FAM135A: variants seen among roughly 807,000 people sequenced by gnomAD.
The protein encoded by FAM135A is protein FAM135A.
A neutral mutation model predicts 146.8 loss-of-function variants in FAM135A; 79 were observed. The observed-to-expected ratio is 0.54, with a 90% CI of 0.45 to 0.65. FAM135A has a LOEUF of 0.65. Ranked by LOEUF, FAM135A falls within the 30% of genes least tolerant of loss-of-function variation. The pLI is 0.00. For synonymous variants in FAM135A, 562 were observed against 603.6 expected (o/e 0.93, Z 1.01); for missense variants, 1,623 against 1,758.2 (o/e 0.92, Z 1.38).
In FAM135A at chr6:70,523,972, A is replaced by C. The variant is rs774034636; in HGVS notation, c.1109A>C (p.Gln370Pro). The C allele has an allele frequency of 5.6e-6, 9 of 1,605,924 alleles. No individual in the cohort carries two copies. In the South Asian group the frequency reaches 9.0e-5, roughly 16 times the overall value. The stretch of plus-strand genomic sequence containing the variant: ...ACTGAAGAAATATTTTTCAGTGCTC[A>C]GAGTCATCTACAGATGTGCACCGCT... ...AAIAYQELHA[Q>P]SHLQMCTAIK... Residue 370 changes from glutamine (Q) to proline (P), a missense_variant, in exon 14 of 22, where the codon CAG (glutamine) becomes CCG (proline). Gln to Pro is a moderately conservative substitution (Grantham distance 76). Around this residue, in one of 7 missense-constraint regions of FAM135A, gnomAD observed 23 missense variants for 47.7 expected, o/e 0.48. Transcript: ENST00000418814.
intron 4 of FAM135A, among the ~76,000 whole-genome samples, chr6:70,443,771 T>C (rs1775097567): frequency 6.6e-6 from 1 of 152,206 alleles, no homozygotes; most frequent in Non-Finnish European, 1.5e-5. Flanking sequence ...TTCTATTGGT[T>C]GATTGGTCTT....
At chr6:70,468,279 T>C (rs1562474179) in intron 5 of FAM135A, among the ~76,000 whole-genome samples, 1 of 152,220 alleles carries the variant, frequency 6.6e-6, no homozygotes, top group African/African-American at 2.4e-5. Context: ...ATGTGTGCAA[T>C]GAACAGCTTT....
In FAM135A at chr6:70,526,228, T is replaced by C; in HGVS notation, c.3144T>C (p.Ser1048=). 6.2e-7 allele frequency: 1 copy of C among 1,613,578 alleles called. No homozygotes were observed. The highest frequency in any genetic ancestry group is 2.2e-5 in the East Asian group (1 of 44,864). Residue 1048 remains serine (S), a synonymous_variant, in exon 15 of 22, where the codon AGT becomes AGC. Coordinates refer to ENST00000418814, the MANE Select transcript of FAM135A (RefSeq NM_001162529.3). ...LVENYFGSQS[S]TDISDTCAVS... ...AAAATTATTTTGGTTCTCAAAGCAG[T>C]ACGGATATTTCTGACACATGTGCTG...
At position 70,525,199 on chromosome 6, in the gene FAM135A, T is replaced by A. The variant is rs1425345020; in HGVS notation, c.2115T>A (p.Ser705=). 6.9e-6 allele frequency: 11 copies of A among 1,597,678 alleles called. No homozygotes were observed. The highest frequency in any genetic ancestry group is 9.4e-6 in the Non-Finnish European group (11 of 1,174,656). ...AGTCCTTAGAATCTAATGGTAAATC[T>A]AAATCTATAGAAATAACATTTGAAA... ...NFESLESNGK[S]KSIEITFEKE... Residue 705 remains serine (S), a synonymous_variant, in exon 15 of 22, where the codon TCT becomes TCA. Transcript: ENST00000418814.
chr6:70,543,990 A>G (rs1167469306), intron 20 of FAM135A, among the ~76,000 whole-genome samples: 1 of 152,226 alleles, frequency 6.6e-6, no homozygotes, highest in East Asian at 1.9e-4. Flanking sequence ...ACCTAATTTA[A>G]ATAAACTCGT....
intron 12 of FAM135A, among the ~76,000 whole-genome samples, chr6:70,508,841 C>T (rs1213195658): frequency 6.6e-6 from 1 of 151,984 alleles, no homozygotes; most frequent in Non-Finnish European, 1.5e-5. Context: ...CTGGTGCAAC[C>T]CTATCAAATA....
Position 70,524,930 on chromosome 6 carries a change from G to A in FAM135A, c.1846G>A (p.Gly616Ser). The A allele has an allele frequency of 6.2e-7, 1 of 1,611,380 alleles. No individual in the cohort carries two copies. Among genetic ancestry groups the A allele is most frequent in the South Asian group, 1.1e-5 (1 of 90,404 alleles). Reference protein sequence around the residue: ...LNLCANLSISGKLDISQDDSE... With the variant: ...LNLCANLSISSKLDISQDDSE... Reference sequence around the variant, plus strand: ...TCTTTGTGCAAATTTGTCCATTTCAGGTAAACTTGATATCTCCCAGGACGA... The same window carrying A: ...TCTTTGTGCAAATTTGTCCATTTCAAGTAAACTTGATATCTCCCAGGACGA... The change falls in exon 15 of 22, where the codon GGT (glycine) becomes AGT (serine). Residue 616 changes from glycine (G) to serine (S), a missense_variant. Physicochemically the swap from Gly to Ser is moderately conservative, Grantham distance 56. Transcript: ENST00000418814.
intron 12 of FAM135A, among the ~76,000 whole-genome samples, chr6:70,518,461 T>G (rs78041671): frequency 0.022 from 3,377 of 152,240 alleles, 62 homozygotes; most frequent in South Asian, 0.073. Context: ...CAAAAATAAT[T>G]GATGAAGGTG....
chr6:70,516,628 T>C (rs7739517), intron 12 of FAM135A, among the ~76,000 whole-genome samples: 39,685 of 147,064 alleles, frequency 0.27, 6,786 homozygotes, highest in African/African-American at 0.49. Flanking sequence ...CTCCGCCTCC[T>C]GGGTTCACGC....
chr6:70,450,936 T>C (rs1210838452), intron 4 of FAM135A, among the ~76,000 whole-genome samples: 1 of 151,624 alleles, frequency 6.6e-6, no homozygotes, highest in Non-Finnish European at 1.5e-5. Context: ...AGAGATGGGG[T>C]TTCACCATGT....
intron 5 of FAM135A, among the ~76,000 whole-genome samples, chr6:70,466,992 C>T (rs146723577): frequency 0.019 from 2,835 of 152,268 alleles, 39 homozygotes; most frequent in Non-Finnish European, 0.028. Flanking sequence ...ATTCCCTTTG[C>T]ATCTCTTCTA....
At chr6:70,548,860 A>G (rs935832774) in intron 20 of FAM135A, among the ~76,000 whole-genome samples, 2 of 152,050 alleles carry the variant, frequency 1.3e-5, no homozygotes, top group African/African-American at 2.4e-5. Context: ...TTCCTAATAC[A>G]TAACAACCCA....
At chr6:70,464,199 T>C (rs1779940952) in intron 5 of FAM135A, among the ~76,000 whole-genome samples, 1 of 152,198 alleles carries the variant, frequency 6.6e-6, no homozygotes, top group Non-Finnish European at 1.5e-5. Flanking sequence ...AGAAATAAAA[T>C]ATAAATTATC....
chr6:70,419,504 A>AC (rs1255257820), intron 2 of FAM135A, among the ~76,000 whole-genome samples: 1 of 152,144 alleles, frequency 6.6e-6, no homozygotes, highest in Non-Finnish European at 1.5e-5. Flanking sequence ...AAATTAGACT[A>AC]CCTAGTATTA....
chr6:70,482,233 C>T (rs1381431117), intron 10 of FAM135A, 79 bp downstream of exon 10: 13 of 1,424,776 alleles, frequency 9.1e-6, no homozygotes, highest in Non-Finnish European at 1.2e-5. Context: ...TCAGCTTTGC[C>T]ATAGTTTTTC....
intron 15 of FAM135A, among the ~76,000 whole-genome samples, chr6:70,527,431 A>G (rs12526164): frequency 0.17 from 25,695 of 152,076 alleles, 2,254 homozygotes; most frequent in Middle Eastern, 0.21. Context: ...ATTAAGATAC[A>G]TAGTGTCTAA....
chr6:70,478,638 A>G (rs1271163971), intron 8 of FAM135A, among the ~76,000 whole-genome samples: 2 of 152,110 alleles, frequency 1.3e-5, no homozygotes, highest in East Asian at 3.8e-4. Flanking sequence ...CATCTCTTAC[A>G]TGTAGATCAC....
chr6:70,417,481 G>A (rs972584830), intron 2 of FAM135A: 1 of 465,074 alleles, frequency 2.2e-6, no homozygotes, highest in East Asian at 1.5e-4. Flanking sequence ...CCAAAGTGCT[G>A]GGATTACAGG....
intron 4 of FAM135A, among the ~76,000 whole-genome samples, chr6:70,434,399 T>C (rs1208096336): frequency 3.3e-5 from 5 of 152,238 alleles, no homozygotes; most frequent in Non-Finnish European, 5.9e-5. Context: ...AGGTCAGTGC[T>C]ATTCTCAGTA....
Sources: allele counts gnomAD v4.1 joint callset (sites outside exome capture counted in the v4.1 genomes callset), GRCh38; gene constraint gnomAD v4.1.1; regional missense constraint gnomAD v4.1.1; transcripts MANE v1.5; gene names NCBI Gene and HGNC (gene_info 2026-07-23, HGNC 2026-07-21).